ZC3H12B: variants seen among roughly 807,000 people sequenced by gnomAD.
The protein encoded by ZC3H12B is zinc finger CCCH-type containing 12B, also known as probable ribonuclease ZC3H12B.
ZC3H12B carries 7 observed loss-of-function variants against 43.9 expected under a neutral mutation model. That is an observed-to-expected ratio of 0.16 (90% CI 0.09 to 0.30). The LOEUF (loss-of-function observed/expected upper bound fraction) is 0.30. Ranked by LOEUF, ZC3H12B falls within the 10% of genes least tolerant of loss-of-function variation. The pLI is 1.00. For missense variants in ZC3H12B, 475 were observed against 670.2 expected (o/e 0.71, Z 3.22); for synonymous variants, 222 against 241.7 (o/e 0.92, Z 0.76).
At chrX:65,060,307 C>T in the ZC3H12B span, among the ~76,000 whole-genome samples, 2 of 111,911 alleles carry the variant, frequency 1.8e-5, no homozygotes, top group African/African-American at 3.3e-5. Context: ...AGAGGAAAGG[C>T]TTTCAGTGTG....
At chrX:65,159,379 A>C in the ZC3H12B span, among the ~76,000 whole-genome samples, 3 of 111,716 alleles carry the variant, frequency 2.7e-5, no homozygotes, top group African/African-American at 9.8e-5. Flanking sequence ...TTTTCATGGT[A>C]TTGATTCTTC....
chrX:65,036,839 G>T, the ZC3H12B span, among the ~76,000 whole-genome samples: 2 of 110,401 alleles, frequency 1.8e-5, no homozygotes, highest in East Asian at 5.6e-4. Context: ...ATCCAATCTA[G>T]TATTCCATTG....
At chrX:65,503,910 C>T in exon 5 of ZC3H12B, 1 of 112,009 alleles carries the variant, frequency 8.9e-6, no homozygotes, top group Non-Finnish European at 1.9e-5. Context: ...AGCCACTGCG[C>T]CCAGCCTACC....
intron 3 of ZC3H12B, among the ~76,000 whole-genome samples, chrX:65,456,905 C>T (rs2067625370): frequency 1.9e-5 from 2 of 107,750 alleles, no homozygotes. Context: ...GGCCGCCCAT[C>T]GTCTGGGATA....
At chrX:65,169,071 G>T in the ZC3H12B span, among the ~76,000 whole-genome samples, 1 of 111,218 alleles carries the variant, frequency 9.0e-6, no homozygotes, top group Non-Finnish European at 1.9e-5. Context: ...CTTGCCTTCT[G>T]CTAGCTTTTG....
chrX:65,369,790 A>T (rs2066221353), intron 2 of ZC3H12B, among the ~76,000 whole-genome samples: 1 of 111,945 alleles, frequency 8.9e-6, no homozygotes, highest in Non-Finnish European at 1.9e-5. Context: ...TAAGTGTAGA[A>T]TCAAGCCTTT....
the ZC3H12B span, among the ~76,000 whole-genome samples, chrX:65,125,584 C>A: frequency 9.0e-6 from 1 of 110,967 alleles, no homozygotes. Flanking sequence ...ATTAAAGTCC[C>A]CCATTATTAT....
Position 65,411,111 on chromosome X carries a change from G to A in ZC3H12B, n.407+12407G>A, listed in dbSNP as rs1368114879. Among the ~76,000 whole-genome samples the A allele has an allele frequency of 2.7e-5, 3 of 112,185 alleles. No individual in the cohort carries two copies. The Admixed American group carries it at 2.8e-4, about 11-fold the overall frequency. On this transcript the variant is annotated intron_variant and non_coding_transcript_variant, in intron 3 of 5. Transcript: ENST00000617377. ...GAAAATGTGGTGCATACACACAATG[G>A]AGTACTACTAAGCCATAAAAATGAG...
chrX:65,203,443 G>T, the ZC3H12B span, among the ~76,000 whole-genome samples: 2 of 110,755 alleles, frequency 1.8e-5, no homozygotes, highest in African/African-American at 3.3e-5. Flanking sequence ...CAGTCAGCAG[G>T]TAATGAATTC....
At chrX:65,501,274 C>G (rs991889939) in intron 4 of ZC3H12B, among the ~76,000 whole-genome samples, 5 of 73,709 alleles carry the variant, frequency 6.8e-5, no homozygotes, top group Admixed American at 5.9e-4. Context: ...GAGACAGGGT[C>G]TTGCTCTTGC....
At chrX:65,332,091 T>A in the ZC3H12B span, among the ~76,000 whole-genome samples, 1 of 110,866 alleles carries the variant, frequency 9.0e-6, no homozygotes, top group African/African-American at 3.3e-5. Context: ...CTCAGCCTTA[T>A]TTTACCCAGC....
At chrX:65,159,600 G>A in the ZC3H12B span, among the ~76,000 whole-genome samples, 149 of 112,002 alleles carry the variant, frequency 1.3e-3, 1 homozygote, top group Middle Eastern at 4.6e-3. Context: ...TGTGATATAT[G>A]TACATTGATT....
At chrX:65,388,256 T>C (rs2148024856) in intron 2 of ZC3H12B, among the ~76,000 whole-genome samples, 1 of 112,329 alleles carries the variant, frequency 8.9e-6, no homozygotes, top group African/African-American at 3.2e-5. Context: ...GGTTCCATTC[T>C]CCCCGTGACT....
the ZC3H12B span, among the ~76,000 whole-genome samples, chrX:65,166,168 T>C: frequency 1.8e-5 from 2 of 110,999 alleles, no homozygotes; most frequent in African/African-American, 6.6e-5. Context: ...TTACATTAGG[T>C]ATATCTCCTA....
intron 3 of ZC3H12B, among the ~76,000 whole-genome samples, chrX:65,472,995 T>C (rs1278997135): frequency 1.3e-5 from 1 of 77,839 alleles, no homozygotes; most frequent in Non-Finnish European, 2.1e-5. Flanking sequence ...TATATATATA[T>C]ATGTATATAT....
chrX:65,448,597 G>A (rs940001238), intron 3 of ZC3H12B, among the ~76,000 whole-genome samples: 6 of 111,047 alleles, frequency 5.4e-5, no homozygotes, highest in Non-Finnish European at 7.5e-5. Context: ...TGGGTGGATC[G>A]CCTGAGGTCA....
rs772304150 is a variant in ZC3H12B, at chrX:65,432,267, G to T, written n.407+33563G>T. 2.7e-5 allele frequency among the ~76,000 whole-genome samples: 3 copies of T among 111,616 alleles called. No homozygotes were observed. The East Asian group carries it at 8.5e-4, about 32-fold the overall frequency. On this transcript the variant is annotated intron_variant and non_coding_transcript_variant, in intron 3 of 5. Coordinates refer to the ZC3H12B transcript ENST00000617377. ...CCATTCATGATAGGCAGCCCAGGTC[G>T]CATGGTAACTTGGTGACTTATGGTT...
At chrX:65,142,172 T>A in the ZC3H12B span, among the ~76,000 whole-genome samples, 1 of 112,202 alleles carries the variant, frequency 8.9e-6, no homozygotes, top group Admixed American at 9.4e-5. Flanking sequence ...TGCCAAAATC[T>A]ACTATTTTTT....
chrX:65,189,157 T>C, the ZC3H12B span, among the ~76,000 whole-genome samples: 1 of 105,451 alleles, frequency 9.5e-6, no homozygotes, highest in African/African-American at 3.6e-5. Flanking sequence ...TAGTATTCCA[T>C]GGTGTATATG....
Sources: allele counts gnomAD v4.1 joint callset (sites outside exome capture counted in the v4.1 genomes callset), GRCh38; gene constraint gnomAD v4.1.1; transcripts MANE v1.5; gene names NCBI Gene and HGNC (gene_info 2026-07-23, HGNC 2026-07-21).